The following PLCB4 variants were observed in gnomAD, a reference collection of about 807,000 sequenced individuals.
The protein encoded by PLCB4 is 1-phosphatidylinositol 4,5-bisphosphate phosphodiesterase beta-4.
PLCB4 carries 77 observed loss-of-function variants against 178.8 expected under a neutral mutation model. That is an observed-to-expected ratio of 0.43 (90% confidence interval 0.36 to 0.52). The LOEUF (loss-of-function observed/expected upper bound fraction) is 0.52, where lower values mean the gene tolerates loss of function less well. Among genes scored for constraint, PLCB4 ranks in the 20% least tolerant of loss-of-function variants. The pLI, the probability that PLCB4 is intolerant of heterozygous loss-of-function variation, is 0.00. For synonymous variants in PLCB4, 496 were observed against 490.8 expected (o/e 1.01, Z -0.14); for missense variants, 1,024 against 1,453.4 (o/e 0.70, Z 4.80).
At chr20:9,327,498 C>T (rs1261079699) in intron 4 of PLCB4, among the ~76,000 whole-genome samples, 5 of 151,542 alleles carry the variant, frequency 3.3e-5, no homozygotes, top group African/African-American at 9.7e-5. Context: ...CAATACTGGC[C>T]GGGCGCGGTG....
At chr20:9,419,319 T>C (rs1402978255) in intron 25 of PLCB4, among the ~76,000 whole-genome samples, 1 of 152,184 alleles carries the variant, frequency 6.6e-6, no homozygotes, top group Non-Finnish European at 1.5e-5. Context: ...ATCACAGACA[T>C]TGTCATATTT....
Position 9,472,815 on chromosome 20 carries a change from A to G in PLCB4, c.3376A>G (p.Asn1126Asp). ...ERRVRELNSS[N>D]TKKFLEERKR... is the part of the protein sequence containing the mutation. ...GCGAGTCAGGGAGTTAAACAGCAGC[A>G]ACACTAAAAAGTTTCTGGAAGAAAG... Residue 1126 changes from asparagine (N) to aspartate (D), a missense_variant, in exon 37 of 40, where the codon AAC (asparagine) becomes GAC (aspartate). This residue lies in a region of PLCB4 where 264 missense variants were observed against 283.2 expected (regional missense o/e 0.93). Transcript: ENST00000378473. 2 of 1,602,414 alleles carry G rather than the reference A, an allele frequency of 1.2e-6. No homozygotes were observed. Among genetic ancestry groups the G allele is most frequent in the Non-Finnish European group, 1.7e-6 (2 of 1,172,490 alleles).
At chr20:9,392,467 A>G (rs989968944) in intron 17 of PLCB4, among the ~76,000 whole-genome samples, 4 of 152,198 alleles carry the variant, frequency 2.6e-5, no homozygotes, top group Admixed American at 2.0e-4. Context: ...TGGAGAGGAT[A>G]TTTCCTGTCA....
In PLCB4 at chr20:9,384,183, A is replaced by T; in HGVS notation, c.854-18A>T. ...CTTCAGAGCTACAAGTGCTACTAAG[A>T]TGTTCTTTTTCCCCTAGGCCTTATA... On this transcript the variant is annotated intron_variant, in intron 13 of 39. Transcript: ENST00000378473. 6.4e-7 allele frequency: 1 copy of T among 1,569,372 alleles called. No individual in the cohort carries two copies. The highest frequency in any genetic ancestry group is 8.8e-7 in the Non-Finnish European group (1 of 1,139,112).
chr20:9,070,318 G>C (rs1036724935), intron 1 of PLCB4, among the ~76,000 whole-genome samples: 1 of 152,104 alleles, frequency 6.6e-6, no homozygotes, highest in East Asian at 1.9e-4. Context: ...TGTGTGTTGC[G>C]GGGGAAGGTA....
intron 3 of PLCB4, among the ~76,000 whole-genome samples, chr20:9,289,008 G>A (rs1198855983): frequency 6.6e-6 from 1 of 151,568 alleles, no homozygotes; most frequent in Non-Finnish European, 1.5e-5. Context: ...ACAACTTCAG[G>A]GCACAATAAT....
intron 7 of PLCB4, among the ~76,000 whole-genome samples, chr20:9,354,488 A>C (rs1487322816): frequency 6.6e-6 from 1 of 152,174 alleles, no homozygotes; most frequent in Non-Finnish European, 1.5e-5. Context: ...GCTTGTTAAA[A>C]TGCAGATTAC....
chr20:9,363,452 G>A (rs1448371653), intron 8 of PLCB4, among the ~76,000 whole-genome samples: 2 of 152,250 alleles, frequency 1.3e-5, no homozygotes, highest in East Asian at 1.9e-4. Flanking sequence ...CACCGTCAGG[G>A]ATCCAAAGTT....
rs11907589 is a variant in PLCB4, at chr20:9,125,142, A to G, written c.-79+28800A>G. On this transcript the variant is annotated intron_variant, in intron 2 of 39. Coordinates refer to ENST00000378473, the MANE Select transcript of PLCB4 (RefSeq NM_001377142.1). ...ATTCTGCTTTCAGACCAATGAGAAC[A>G]CCGTGATCCAGTTTAGCTGCCTTCT... Among the ~76,000 whole-genome samples, 7 of 152,200 alleles carry G rather than the reference A, an allele frequency of 4.6e-5. No individual in the cohort carries two copies. The East Asian group carries it at 1.3e-3, about 29-fold the overall frequency.
rs376905675 is a variant in PLCB4 at position 9,431,504 on chromosome 20, C to T, written c.2525-4056C>T. 2.9e-4 allele frequency among the ~76,000 whole-genome samples: 44 copies of T among 152,142 alleles called. 1 individual carries two copies. Among genetic ancestry groups the T allele is most frequent in the African/African-American group, 9.9e-4 (41 of 41,514 alleles). ...TTTATGAGACAGAGTCTTGCTCTGT[C>T]GCCCAGGCTGCAGTGCAGTGGCATG... On this transcript the variant is annotated intron_variant, in intron 28 of 39. Coordinates refer to ENST00000378473, the MANE Select transcript of PLCB4 (RefSeq NM_001377142.1).
chr20:9,097,247 T>TTTTTA (rs1555819531), intron 2 of PLCB4, among the ~76,000 whole-genome samples: 12 of 149,992 alleles, frequency 8.0e-5, no homozygotes, highest in African/African-American at 2.5e-4. Context: ...TTTTTTTTTT[T>TTTTTA]TTTTTTGGTT....
chr20:9,177,915 G>A (rs2147074786), intron 2 of PLCB4, among the ~76,000 whole-genome samples: 1 of 152,212 alleles, frequency 6.6e-6, no homozygotes, highest in South Asian at 2.1e-4. Context: ...TATTAATATG[G>A]TACATTGTCC....
chr20:9,242,930 G>C lies in PLCB4; in HGVS notation c.-16+25478G>C, dbSNP rs547347348. Among the ~76,000 whole-genome samples the C allele has an allele frequency of 2.0e-5, 3 of 152,206 alleles. No individual in the cohort carries two copies. The South Asian group carries it at 6.2e-4, about 32-fold the overall frequency. On this transcript the variant is annotated intron_variant, in intron 3 of 39. Transcript: ENST00000378473. ...CTGAATTAGGGTTCTGTGTGGTATT[G>C]ATGGGTTCAAAGCCCATCAAAGAAG...
At chr20:9,469,336 A>T (rs2044022306) in intron 36 of PLCB4, among the ~76,000 whole-genome samples, 1 of 152,188 alleles carries the variant, frequency 6.6e-6, no homozygotes, top group Non-Finnish European at 1.5e-5. Flanking sequence ...TCATTCTGCA[A>T]GCCTCTCCCC....
intron 34 of PLCB4, 113 bp downstream of exon 34, chr20:9,457,602 G>A (rs971449286): frequency 4.4e-5 from 30 of 674,392 alleles, no homozygotes; most frequent in Admixed American, 2.4e-4. Context: ...TGGTCTAGTA[G>A]CCTGCAGCTG....
chr20:9,171,623 AAAAAAT>A (rs1429181383), intron 2 of PLCB4, among the ~76,000 whole-genome samples: 24 of 152,208 alleles, frequency 1.6e-4, no homozygotes, highest in Admixed American at 5.2e-4. Context: ...AGTTTTGGCA[AAAAAAT>A]AACTCAGAGA....
intron 3 of PLCB4, among the ~76,000 whole-genome samples, chr20:9,304,991 C>T (rs2094749372): frequency 6.6e-6 from 1 of 150,532 alleles, no homozygotes; most frequent in Non-Finnish European, 1.5e-5. Flanking sequence ...CACCCAGTAA[C>T]TCGTCATTTA....
chr20:9,243,352 C>T (rs947479745), intron 3 of PLCB4, among the ~76,000 whole-genome samples: 1 of 152,100 alleles, frequency 6.6e-6, no homozygotes, highest in East Asian at 1.9e-4. Context: ...CCAAATTAAT[C>T]GAGAAGAAAT....
At chr20:9,175,481 A>G (rs933160707) in intron 2 of PLCB4, among the ~76,000 whole-genome samples, 1 of 152,176 alleles carries the variant, frequency 6.6e-6, no homozygotes, top group Admixed American at 6.5e-5. Flanking sequence ...TAATCTGTGG[A>G]TTGGCATCAG....
Sources: allele counts gnomAD v4.1 joint callset (sites outside exome capture counted in the v4.1 genomes callset), GRCh38; gene constraint gnomAD v4.1.1; regional missense constraint gnomAD v4.1.1; transcripts MANE v1.5; gene names NCBI Gene and HGNC (gene_info 2026-07-23, HGNC 2026-07-21).